The following RPUSD4 variants were observed in gnomAD, a reference collection of about 807,000 sequenced individuals.
RPUSD4 encodes pseudouridylate synthase RPUSD4, mitochondrial.
A neutral mutation model predicts 35.4 loss-of-function variants in RPUSD4; 37 were observed. That is an observed-to-expected ratio of 1.04 (90% confidence interval 0.80 to 1.37). RPUSD4 has a LOEUF of 1.37. RPUSD4 is among the 40% of genes most tolerant of loss of function. The probability of loss-of-function intolerance (pLI) is 0.00; values close to 1 mark genes in which losing one functional copy is unlikely to be tolerated. For synonymous variants in RPUSD4, 210 were observed against 192.7 expected, an observed-to-expected ratio of 1.09 and a Z score of -0.74; for missense variants, 507 against 484.9, an observed-to-expected ratio of 1.05 and a Z score of -0.43.
At chr11:126,205,094 T>C (rs757544453) in intron 5 of RPUSD4, among the ~76,000 whole-genome samples, 23 of 152,254 alleles carry the variant, frequency 1.5e-4, no homozygotes, top group Non-Finnish European at 1.8e-4. Context: ...TACATTTTGT[T>C]TCTCCATTCA....
At chr11:126,210,860 G>A (rs1949850587) in intron 2 of RPUSD4, 30 bp downstream of exon 2, 1 of 1,592,012 alleles carries the variant, frequency 6.3e-7, no homozygotes, top group South Asian at 1.1e-5. Flanking sequence ...GCAGCTGCAG[G>A]TTCCTCCACC....
At chr11:126,210,745 G>C in intron 2 of RPUSD4, 145 bp downstream of exon 2, 1 of 721,742 alleles carries the variant, frequency 1.4e-6, no homozygotes, top group Non-Finnish European at 2.2e-6. Context: ...GTTCTCGGTG[G>C]TTCCTTATAT....
rs1216027649 is a variant in RPUSD4 at position 126,202,782 on chromosome 11, A to C, written c.*636T>G. The C allele has an allele frequency of 6.6e-6, 1 of 152,270 alleles. No homozygotes were observed. The highest frequency in any genetic ancestry group is 2.4e-5 in the African/African-American group (1 of 41,474). 9.4% of individuals were successfully genotyped at this position (152,270 alleles called of 1,614,324 possible). On this transcript the variant is annotated 3_prime_UTR_variant, in exon 7 of 7. Transcript: ENST00000298317. Reference sequence around the variant, plus strand: ...CAACCAGCTGGAGCTAACAGCTGTTAGACAGCATGCCGCTCCCCGCTACTG... The same window carrying C: ...CAACCAGCTGGAGCTAACAGCTGTTCGACAGCATGCCGCTCCCCGCTACTG...
rs1394785486 is a variant in RPUSD4 at position 126,211,001 on chromosome 11, G to A, written c.244C>T (p.Gln82Ter). ...RVQEIVRFTR[Q>*]LQRVHPNVLA... ...ACGTTGGGGTGGACTCGCTGCAGCT[G>A]CCGTGTGAACCGCACTATTTCTTGC... The change falls in exon 2 of 7, where the codon CAG becomes TAG. Residue 82 changes from glutamine to a stop codon, truncating the protein, a stop_gained. Coordinates refer to ENST00000298317, the MANE Select transcript of RPUSD4 (RefSeq NM_032795.3). LOFTEE classifies it high-confidence loss of function. 1 of 1,614,128 alleles carries A rather than the reference G, an allele frequency of 6.2e-7. No individual in the cohort carries two copies. Among genetic ancestry groups the A allele is most frequent in the Non-Finnish European group, 8.5e-7 (1 of 1,180,038 alleles).
chr11:126,206,174 G>C, intron 3 of RPUSD4: 1 of 156,766 alleles, frequency 6.4e-6, no homozygotes, highest in Non-Finnish European at 1.4e-5. Context: ...ATGAATAATT[G>C]GATGAATGAA....
chr11:126,205,980 A>C, intron 3 of RPUSD4, 199 bp from the exon 4 acceptor site: 1 of 455,206 alleles, frequency 2.2e-6, no homozygotes, highest in Non-Finnish European at 3.9e-6. Flanking sequence ...TTTACTACTA[A>C]AGTCATACAT....
intron 3 of RPUSD4, among the ~76,000 whole-genome samples, chr11:126,207,029 A>G (rs780424524): frequency 5.9e-5 from 9 of 152,236 alleles, no homozygotes; most frequent in Admixed American, 4.6e-4. Context: ...CACAAATAAC[A>G]TAACATGTAT....
At chr11:126,204,514 G>C (rs1351417750) in intron 5 of RPUSD4, among the ~76,000 whole-genome samples, 186 bp from the exon 6 acceptor site, 1 of 152,168 alleles carries the variant, frequency 6.6e-6, no homozygotes, top group African/African-American at 2.4e-5. Context: ...AGTTTAGGAA[G>C]TAAACGCCGT....
intron 2 of RPUSD4, among the ~76,000 whole-genome samples, chr11:126,210,550 C>CACACACACACACACACACACACA (rs3220746): frequency 2.1e-5 from 3 of 144,622 alleles, no homozygotes; most frequent in Non-Finnish European, 4.6e-5. Context: ...CACACACACA[C>CACACACACACACACACACACACA]CCCCTTTTTT....
At chr11:126,210,520 T>TACATACATACACATACACACACACAC (rs746246254) in intron 2 of RPUSD4, among the ~76,000 whole-genome samples, 1 of 60,252 alleles carries the variant, frequency 1.7e-5, no homozygotes, top group Admixed American at 2.1e-4. Flanking sequence ...CCAACATACA[T>TACATACATACACATACACACACACAC]ACACACACAC....
chr11:126,209,705 G>A lies in RPUSD4; in HGVS notation c.373C>T (p.Leu125Phe). The stretch of plus-strand genomic sequence containing the variant: ...ATAGGTAGTACATCAGTGATGCAGA[G>A]CTGGACCCCAGGGCCACCTAAGAAG... ...LPVHGGPGVQLCITDVLPILA... is the reference protein window; with the variant it reads ...LPVHGGPGVQFCITDVLPILA... The change falls in exon 3 of 7, where the codon CTC becomes TTC. Residue 125 changes from leucine to phenylalanine, a missense_variant. Physicochemically the swap from Leu to Phe is conservative, Grantham distance 22. Transcript: ENST00000298317. 7 of 1,613,850 alleles carry A rather than the reference G, an allele frequency of 4.3e-6. No individual in the cohort carries two copies. Among genetic ancestry groups the A allele is most frequent in the Non-Finnish European group, 5.9e-6 (7 of 1,179,960 alleles).
At position 126,203,347 on chromosome 11, in the gene RPUSD4, G is replaced by A; in HGVS notation, c.*71C>T. The A allele has an allele frequency of 6.3e-7, 1 of 1,578,040 alleles. No homozygotes were observed. The highest frequency in any genetic ancestry group is 8.6e-7 in the Non-Finnish European group (1 of 1,164,804). ...CAAAGAACAGTTCAGGGGCCAACCT[G>A]CGCTCCCAGGTGCCAGGATGCTCTC... On this transcript the variant is annotated 3_prime_UTR_variant, in exon 7 of 7. Coordinates refer to ENST00000298317, the MANE Select transcript of RPUSD4 (RefSeq NM_032795.3).
intron 3 of RPUSD4, among the ~76,000 whole-genome samples, chr11:126,208,149 G>C (rs533197922): frequency 6.6e-6 from 1 of 152,250 alleles, no homozygotes; most frequent in South Asian, 2.1e-4. Context: ...GGAGAGCAAT[G>C]TGAGTACTAT....
At chr11:126,209,911 A>G (rs1949824005) in intron 2 of RPUSD4, among the ~76,000 whole-genome samples, 189 bp from the exon 3 acceptor site, 1 of 152,216 alleles carries the variant, frequency 6.6e-6, no homozygotes, top group South Asian at 2.1e-4. Context: ...CAGGCTCTCA[A>G]CCTAGACTAC....
At position 126,203,495 on chromosome 11, in the gene RPUSD4, G is replaced by A. The variant is rs767682841; in HGVS notation, c.1057C>T (p.Leu353=). The A allele has an allele frequency of 2.5e-6, 4 of 1,614,070 alleles. No homozygotes were observed. The highest frequency in any genetic ancestry group is 1.3e-5 in the African/African-American group (1 of 74,928). ...CKLPRFFVHS[L]HRLRLEMPNE... is the part of the protein sequence containing the mutation. ...GGCATCTCTAAACGCAGGCGGTGCA[G>A]GGAATGCACAAAGAAGCGAGGAAGT... The change falls in exon 7 of 7, where the codon CTG becomes TTG. Residue 353 remains leucine, a synonymous_variant. Transcript: ENST00000298317.
At chr11:126,209,784 T>C (rs1949822236) in intron 2 of RPUSD4, 62 bp from the exon 3 acceptor site, 6 of 1,425,016 alleles carry the variant, frequency 4.2e-6, no homozygotes, top group Middle Eastern at 2.2e-4. Context: ...AGAACTCTCC[T>C]TGGGAGAAAA....
intron 2 of RPUSD4, among the ~76,000 whole-genome samples, chr11:126,210,399 T>C (rs942028341): frequency 1.2e-4 from 18 of 152,174 alleles, no homozygotes; most frequent in African/African-American, 4.3e-4. Context: ...TTTAAATCAA[T>C]CTTTCCTGAT....
At chr11:126,211,170 C>A (rs1949860283) in intron 1 of RPUSD4, 115 bp from the exon 2 acceptor site, 3 of 1,277,372 alleles carry the variant, frequency 2.3e-6, no homozygotes, top group Non-Finnish European at 3.3e-6. Flanking sequence ...GCATCAGACC[C>A]GCGCCGCCTT....
Position 126,211,603 on chromosome 11 carries a change from C to A in RPUSD4, c.36G>T (p.Trp12Cys). ...AAPRWSASGP[W>C]IRGNGQGCGS... ...CGCAACCTTGGCCGTTTCCCCGGAT[C>A]CAGGGGCCCGACGCGCTCCACCTGG... Residue 12 changes from tryptophan (W) to cysteine (C), a missense_variant, in exon 1 of 7, where the codon TGG becomes TGT. Trp to Cys is a radical substitution (Grantham distance 215). Coordinates refer to ENST00000298317, the MANE Select transcript of RPUSD4 (RefSeq NM_032795.3). The A allele has an allele frequency of 4.3e-6, 7 of 1,614,030 alleles. No individual in the cohort carries two copies. Among genetic ancestry groups the A allele is most frequent in the Non-Finnish European group, 5.9e-6 (7 of 1,180,018 alleles).
Sources: allele counts gnomAD v4.1 joint callset (sites outside exome capture counted in the v4.1 genomes callset), GRCh38; gene constraint gnomAD v4.1.1; transcripts MANE v1.5; gene names NCBI Gene and HGNC (gene_info 2026-07-23, HGNC 2026-07-21).